Variants in KBTBD3 observed in about 807,000 individuals in gnomAD.
The protein encoded by KBTBD3 is kelch repeat and BTB domain containing 3.
KBTBD3 carries 38 observed loss-of-function variants against 49.6 expected under a neutral mutation model. The ratio of observed to expected loss-of-function variants is 0.77; its 90% CI spans 0.59 to 1.00. The LOEUF (loss-of-function observed/expected upper bound fraction) is 1.00. Among genes scored for constraint, KBTBD3 ranks in the 50% least tolerant of loss-of-function variants. The pLI is 0.00. For synonymous variants in KBTBD3, 214 were observed against 250.4 expected, an observed-to-expected ratio of 0.85 and a Z score of 1.37; for missense variants, 661 against 712.0, an observed-to-expected ratio of 0.93 and a Z score of 0.81.
At chr11:106,063,591 T>C (rs1349694404) in intron 2 of KBTBD3, among the ~76,000 whole-genome samples, 1 of 152,232 alleles carries the variant, frequency 6.6e-6, no homozygotes, top group Non-Finnish European at 1.5e-5. Context: ...ATTTGTAAAC[T>C]GCAGATAAAC....
At chr11:106,058,043 C>A in intron 3 of KBTBD3, 1 of 398,424 alleles carries the variant, frequency 2.5e-6, no homozygotes, top group Non-Finnish European at 4.4e-6. Context: ...AAATGCTGAC[C>A]TGGGAAGACC....
At chr11:106,060,689 C>G (rs1409000786) in intron 2 of KBTBD3, among the ~76,000 whole-genome samples, 1 of 152,170 alleles carries the variant, frequency 6.6e-6, no homozygotes, top group Non-Finnish European at 1.5e-5. Context: ...CATAAGAGAC[C>G]TGGAAGAAAA....
chr11:106,075,711 T>C (rs1178235967), intron 2 of KBTBD3: 4 of 152,194 alleles, frequency 2.6e-5, no homozygotes, highest in African/African-American at 9.6e-5. Context: ...GGTTTGGAAG[T>C]GGAGAGAGTA....
chr11:106,060,158 T>C (rs1263396523), intron 2 of KBTBD3, among the ~76,000 whole-genome samples: 4 of 152,144 alleles, frequency 2.6e-5, no homozygotes, highest in Middle Eastern at 3.4e-3. Flanking sequence ...TTTTTGTTTT[T>C]TTTTTCTGAG....
At chr11:106,068,488 G>A (rs1043382941) in intron 2 of KBTBD3, among the ~76,000 whole-genome samples, 1 of 152,148 alleles carries the variant, frequency 6.6e-6, no homozygotes, top group African/African-American at 2.4e-5. Flanking sequence ...GTATGATGCA[G>A]CTAAAATAGT....
chr11:106,060,296 T>TAA (rs1389799228), intron 2 of KBTBD3, among the ~76,000 whole-genome samples: 2 of 151,948 alleles, frequency 1.3e-5, no homozygotes, highest in Non-Finnish European at 2.9e-5. Flanking sequence ...TAACTATATA[T>TAA]AACTACAAAA....
chr11:106,064,068 A>AG (rs1860757509), intron 2 of KBTBD3, among the ~76,000 whole-genome samples: 1 of 152,222 alleles, frequency 6.6e-6, no homozygotes, highest in Non-Finnish European at 1.5e-5. Context: ...AAAATGGTGG[A>AG]GGAAGGGACA....
intron 2 of KBTBD3, among the ~76,000 whole-genome samples, chr11:106,065,125 A>T (rs951932540): frequency 1.3e-4 from 20 of 152,334 alleles, no homozygotes; most frequent in African/African-American, 4.8e-4. Flanking sequence ...GATGTGGGGT[A>T]GATACTGAAT....
chr11:106,077,116 T>C (rs1861047560), intron 1 of KBTBD3, among the ~76,000 whole-genome samples, 196 bp downstream of exon 1: 1 of 152,076 alleles, frequency 6.6e-6, no homozygotes, highest in Non-Finnish European at 1.5e-5. Flanking sequence ...AAGAAGGAAC[T>C]CAGGGCTGAT....
chr11:106,062,615 C>G (rs1860724313), intron 2 of KBTBD3, among the ~76,000 whole-genome samples: 1 of 152,228 alleles, frequency 6.6e-6, no homozygotes, highest in Non-Finnish European at 1.5e-5. Context: ...GTCTTTTATT[C>G]TATTCAATTC....
intron 3 of KBTBD3, chr11:106,058,061 TA>T (rs1256480690): frequency 1.3e-5 from 5 of 398,162 alleles, no homozygotes; most frequent in Non-Finnish European, 2.2e-5. Context: ...ACCTATACGT[TA>T]AAAAAAGGTA....
rs566079968 is a variant in KBTBD3, at chr11:106,053,165, G to C, written c.1524C>G (p.Asn508Lys). 6.2e-7 allele frequency: 1 copy of C among 1,613,346 alleles called. No homozygotes were observed. Among genetic ancestry groups the C allele is most frequent in the East Asian group, 2.2e-5 (1 of 44,856 alleles). ...AAAGGTCACATATATACAGTGTACA[G>C]TTTACTGGTACAGCTTTAATTAATG... The part of the protein sequence containing the change: ...HATLIKAVPV[N>K]CTLYICDLST... Residue 508 changes from asparagine to lysine, a missense_variant, in exon 4 of 4, where the codon AAC (asparagine) becomes AAG (lysine). Transcript: ENST00000531837.
At chr11:106,067,420 A>T (rs1860831125) in intron 2 of KBTBD3, among the ~76,000 whole-genome samples, 1 of 152,182 alleles carries the variant, frequency 6.6e-6, no homozygotes, top group Non-Finnish European at 1.5e-5. Flanking sequence ...CTTGGCCAAC[A>T]TGGTGAAACA....
chr11:106,058,211 C>T (rs1241008157), intron 3 of KBTBD3, among the ~76,000 whole-genome samples: 2 of 151,764 alleles, frequency 1.3e-5, no homozygotes, highest in South Asian at 2.1e-4. Flanking sequence ...GGTGAAACCC[C>T]GTCTCTACTA....
rs1282455395 is a variant in KBTBD3, at chr11:106,053,179, C to T, written c.1510G>A (p.Ala504Thr). ...TACAGTGTACAGTTTACTGGTACAG[C>T]TTTAATTAATGTTGCATGAAAAAAT... ...GQFFHATLIK[A>T]VPVNCTLYIC... is the part of the protein sequence containing the mutation. Residue 504 changes from alanine (A) to threonine (T), a missense_variant, in exon 4 of 4, where the codon GCT becomes ACT. Physicochemically the swap from Ala to Thr is moderately conservative, Grantham distance 58. Transcript: ENST00000531837. 1.2e-6 allele frequency: 2 copies of T among 1,613,370 alleles called. No homozygotes were observed. Among genetic ancestry groups the T allele is most frequent in the Non-Finnish European group, 1.7e-6 (2 of 1,179,742 alleles).
rs752236204 is a variant in KBTBD3 at position 106,052,820 on chromosome 11, G to T, written c.*30C>A. 1.9e-6 allele frequency: 3 copies of T among 1,551,620 alleles called. No individual in the cohort carries two copies. Among genetic ancestry groups the T allele is most frequent in the Admixed American group, 2.0e-5 (1 of 49,818 alleles). ...ATTTTGGTTAACAAATTTACTTTAG[G>T]TTACTAGAACTGGACTCGTTTTAGA... On this transcript the variant is annotated 3_prime_UTR_variant, in exon 4 of 4. Coordinates refer to ENST00000531837, the MANE Select transcript of KBTBD3 (RefSeq NM_198439.3).
chr11:106,076,962 G>A (rs1861043150), intron 1 of KBTBD3, among the ~76,000 whole-genome samples: 1 of 152,166 alleles, frequency 6.6e-6, no homozygotes, highest in African/African-American at 2.4e-5. Flanking sequence ...TGGCAGCCTC[G>A]GATCCAGGCG....
chr11:106,054,615 A>C (rs1565401245), intron 3 of KBTBD3, among the ~76,000 whole-genome samples, 160 bp from the exon 4 acceptor site: 1 of 151,578 alleles, frequency 6.6e-6, no homozygotes, highest in Non-Finnish European at 1.5e-5. Flanking sequence ...TATATAATAT[A>C]TTATTTATCT....
At chr11:106,057,541 A>T (rs1267919527) in intron 3 of KBTBD3, 1 of 152,314 alleles carries the variant, frequency 6.6e-6, no homozygotes, top group Non-Finnish European at 1.5e-5. Flanking sequence ...ACCTTGATAC[A>T]ATTAACACAG....
Sources: allele counts gnomAD v4.1 joint callset (sites outside exome capture counted in the v4.1 genomes callset), GRCh38; gene constraint gnomAD v4.1.1; transcripts MANE v1.5; gene names NCBI Gene and HGNC (gene_info 2026-07-23, HGNC 2026-07-21).